The following TBCK variants were observed in gnomAD, a reference collection of about 807,000 sequenced individuals.
TBCK encodes TBC domain-containing protein kinase-like protein.
In TBCK, 99 loss-of-function variants were observed where a neutral mutation model predicts 113.4. The observed-to-expected ratio is 0.87, with a 90% CI of 0.74 to 1.03. The LOEUF (loss-of-function observed/expected upper bound fraction) is 1.03, where lower values mean the gene tolerates loss of function less well. Ranked by LOEUF, TBCK falls within the 50% of genes least tolerant of loss-of-function variation. The pLI, the probability that TBCK is intolerant of heterozygous loss-of-function variation, is 0.00. For synonymous variants in TBCK, 369 were observed against 370.8 expected (o/e 1.00, Z 0.05); for missense variants, 1,045 against 1,061.3 (o/e 0.98, Z 0.21).
chr4:106,137,488 A>G (rs1204201201), intron 23 of TBCK, among the ~76,000 whole-genome samples: 1 of 140,548 alleles, frequency 7.1e-6, no homozygotes, highest in Non-Finnish European at 1.6e-5. Flanking sequence ...AAGGAATTTT[A>G]ACAAGAAAAG....
At chr4:106,272,429 T>G (rs955881867) in intron 3 of TBCK, among the ~76,000 whole-genome samples, 1 of 151,876 alleles carries the variant, frequency 6.6e-6, no homozygotes, top group Non-Finnish European at 1.5e-5. Context: ...TGATGACAAT[T>G]TTTTTTTCAA....
intron 12 of TBCK, among the ~76,000 whole-genome samples, chr4:106,237,951 A>G (rs1333493705): frequency 1.3e-5 from 2 of 152,072 alleles, no homozygotes; most frequent in African/African-American, 2.4e-5. Context: ...TAAAAGGTGA[A>G]TGAAAACACT....
intron 19 of TBCK, 22 bp downstream of exon 19, chr4:106,230,341 G>C (rs1758719916): frequency 6.8e-7 from 1 of 1,469,162 alleles, no homozygotes; most frequent in East Asian, 2.3e-5. Context: ...TCTGTAGAAA[G>C]ACATGGAAGA....
chr4:106,301,384 C>T (rs1766925414), intron 2 of TBCK, among the ~76,000 whole-genome samples: 1 of 152,032 alleles, frequency 6.6e-6, no homozygotes, highest in Admixed American at 6.6e-5. Flanking sequence ...GATGCACTAC[C>T]ATTTACCATC....
chr4:106,092,698 C>T (rs1740437718), intron 25 of TBCK, among the ~76,000 whole-genome samples: 1 of 152,230 alleles, frequency 6.6e-6, no homozygotes, highest in South Asian at 2.1e-4. Flanking sequence ...GCGGGGCCGT[C>T]AAGCCCACGC....
intron 20 of TBCK, among the ~76,000 whole-genome samples, chr4:106,211,700 C>T (rs966729541): frequency 1.3e-5 from 2 of 151,906 alleles, no homozygotes; most frequent in African/African-American, 4.8e-5. Flanking sequence ...AAAAAAAACA[C>T]CTTAAATGAA....
rs188704208 is a variant in TBCK at position 106,091,235 on chromosome 4, T to C, written c.2571+4247A>G. Among the ~76,000 whole-genome samples, 901 of 152,288 alleles carry C rather than the reference T, an allele frequency of 5.9e-3. 5 individuals are homozygous for C. Among genetic ancestry groups the C allele is most frequent in the Non-Finnish European group, 6.9e-3 (470 of 68,012 alleles). ...GGTAACAGGGAGCCAGCATGTCACA[T>C]GGCATGAGCAGGAACAAGAGAAAGG... On this transcript the variant is annotated intron_variant, in intron 25 of 25. Transcript: ENST00000394708.
chr4:106,232,250 C>T (rs1040542492), intron 17 of TBCK, among the ~76,000 whole-genome samples: 2 of 151,618 alleles, frequency 1.3e-5, no homozygotes, highest in African/African-American at 2.4e-5. Context: ...TAATGATATG[C>T]ATGTATTGTC....
chr4:106,233,291 G>T (rs1441606093), intron 16 of TBCK, among the ~76,000 whole-genome samples: 4 of 151,892 alleles, frequency 2.6e-5, no homozygotes, highest in African/African-American at 9.7e-5. Context: ...CTTTTGAAAG[G>T]TATGTATGTG....
intron 23 of TBCK, among the ~76,000 whole-genome samples, chr4:106,165,721 G>C (rs991166058): frequency 2.0e-5 from 3 of 151,592 alleles, no homozygotes; most frequent in Non-Finnish European, 3.0e-5. Context: ...GGAGCTTTAC[G>C]TATATCATTA....
intron 25 of TBCK, among the ~76,000 whole-genome samples, chr4:106,067,392 T>G (rs546112641): frequency 6.6e-6 from 1 of 152,272 alleles, no homozygotes; most frequent in East Asian, 1.9e-4. Flanking sequence ...ATATTGATTT[T>G]GTATTCTGGT....
intron 19 of TBCK, among the ~76,000 whole-genome samples, chr4:106,229,559 T>C (rs1013682547): frequency 6.6e-6 from 1 of 152,010 alleles, no homozygotes; most frequent in Admixed American, 6.6e-5. Context: ...TGTAAGTGTA[T>C]AGATTTGCTT....
intron 24 of TBCK, among the ~76,000 whole-genome samples, chr4:106,114,046 A>G (rs760708295): frequency 6.6e-6 from 1 of 152,156 alleles, no homozygotes; most frequent in Admixed American, 6.5e-5. Context: ...AATTATACTC[A>G]TATTTGTCTT....
chr4:106,146,596 T>C (rs1484501817), intron 23 of TBCK, among the ~76,000 whole-genome samples: 2 of 152,124 alleles, frequency 1.3e-5, no homozygotes, highest in East Asian at 3.8e-4. Context: ...AAAATAATAG[T>C]TAAAAAATAC....
chr4:106,247,254 T>C lies in TBCK; in HGVS notation c.816A>G (p.Val272=), dbSNP rs146821645. Residue 272 remains valine, a synonymous_variant, in exon 10 of 26, where the codon GTA becomes GTG. Transcript: ENST00000394708. ...PTPDQLMKDK[V]FSEVSPLYTP... ...TATATAAAGGTGATACCTCACTGAATACTTTGTCCTTCATTAATTGATCTG... is the reference window on the plus strand; with the variant it reads ...TATATAAAGGTGATACCTCACTGAACACTTTGTCCTTCATTAATTGATCTG... 32 of 1,612,316 alleles carry C rather than the reference T, an allele frequency of 2.0e-5. No homozygotes were observed. In the African/African-American group the frequency reaches 3.9e-4, roughly 19 times the overall value.
chr4:106,219,505 C>G (rs1472616159), intron 19 of TBCK, among the ~76,000 whole-genome samples: 3 of 151,780 alleles, frequency 2.0e-5, no homozygotes, highest in Admixed American at 6.6e-5. Flanking sequence ...GATTCTAATT[C>G]TATTAGAATT....
At chr4:106,124,183 G>C (rs1308505574) in intron 23 of TBCK, among the ~76,000 whole-genome samples, 1 of 152,132 alleles carries the variant, frequency 6.6e-6, no homozygotes, top group Non-Finnish European at 1.5e-5. Flanking sequence ...ATCAACAAGT[G>C]GGCGAAGGAC....
chr4:106,084,584 G>C (rs1739282754), intron 25 of TBCK, among the ~76,000 whole-genome samples: 1 of 152,006 alleles, frequency 6.6e-6, no homozygotes, highest in Non-Finnish European at 1.5e-5. Flanking sequence ...GAAATACAGA[G>C]AACACCACCG....
At chr4:106,287,484 C>A (rs955493337) in intron 3 of TBCK, among the ~76,000 whole-genome samples, 1 of 152,174 alleles carries the variant, frequency 6.6e-6, no homozygotes, top group Non-Finnish European at 1.5e-5. Context: ...CATGTGCATT[C>A]TTGAGCAATC....
Sources: allele counts gnomAD v4.1 joint callset (sites outside exome capture counted in the v4.1 genomes callset), GRCh38; gene constraint gnomAD v4.1.1; transcripts MANE v1.5; gene names NCBI Gene and HGNC (gene_info 2026-07-23, HGNC 2026-07-21).